Variants in ROBO2 observed in about 807,000 individuals in gnomAD.
The protein encoded by ROBO2 is roundabout guidance receptor 2, also known as roundabout homolog 2.
Under a neutral mutation model 160.8 loss-of-function variants are expected in ROBO2, and 53 were observed. That is an observed-to-expected ratio of 0.33 (90% CI 0.26 to 0.41). ROBO2 has a LOEUF of 0.41. Among genes scored for constraint, ROBO2 ranks in the 10% least tolerant of loss-of-function variants. The probability of loss-of-function intolerance (pLI) is 1.00; values close to 1 mark genes in which losing one functional copy is unlikely to be tolerated. For synonymous variants in ROBO2, 664 were observed against 611.7 expected, an observed-to-expected ratio of 1.09 and a Z score of -1.26; for missense variants, 1,577 against 1,722.4, an observed-to-expected ratio of 0.92 and a Z score of 1.49.
intron 2 of ROBO2, among the ~76,000 whole-genome samples, chr3:76,074,502 A>AAG (rs2068578749): frequency 6.6e-6 from 1 of 152,208 alleles, no homozygotes; most frequent in African/African-American, 2.4e-5. Flanking sequence ...CCCTTCTTAG[A>AAG]GGAGTAAGAA....
chr3:76,301,369 GT>G (rs1387063091), intron 2 of ROBO2, among the ~76,000 whole-genome samples: 1 of 152,048 alleles, frequency 6.6e-6, no homozygotes, highest in East Asian at 1.9e-4. Context: ...ATCTAAAGCA[GT>G]TGAGATGAAG....
At chr3:76,187,930 A>T (rs956070172) in intron 2 of ROBO2, among the ~76,000 whole-genome samples, 1 of 152,132 alleles carries the variant, frequency 6.6e-6, no homozygotes, top group African/African-American at 2.4e-5. Context: ...GCTCTTAGTA[A>T]GATTTAAAAG....
At chr3:76,636,669 T>A (rs73841250) in intron 2 of ROBO2, among the ~76,000 whole-genome samples, 9,377 of 152,084 alleles carry the variant, frequency 0.062, 921 homozygotes, top group African/African-American at 0.21. Context: ...TAGATAAGTC[T>A]CTTATCAAAG....
intron 2 of ROBO2, among the ~76,000 whole-genome samples, chr3:76,690,676 C>A (rs940996040): frequency 6.6e-6 from 1 of 152,052 alleles, no homozygotes; most frequent in Non-Finnish European, 1.5e-5. Context: ...ATATTCCCCT[C>A]TAGATGAAAA....
intron 2 of ROBO2, among the ~76,000 whole-genome samples, chr3:76,679,245 ATTAAC>A (rs1209598263): frequency 2.0e-5 from 3 of 152,170 alleles, no homozygotes; most frequent in Non-Finnish European, 4.4e-5. Flanking sequence ...GTTTTGGTCA[ATTAAC>A]TTAAGAAATA....
chr3:76,398,577 C>G (rs2077617956), intron 2 of ROBO2, among the ~76,000 whole-genome samples: 1 of 151,610 alleles, frequency 6.6e-6, no homozygotes, highest in African/African-American at 2.4e-5. Flanking sequence ...CAATACGTAC[C>G]CTCTTCCATT....
chr3:76,504,546 T>G (rs2080680275), intron 2 of ROBO2, among the ~76,000 whole-genome samples: 1 of 113,918 alleles, frequency 8.8e-6, no homozygotes, highest in Non-Finnish European at 1.8e-5. Context: ...TTTTTTTTTT[T>G]TGAGACGGAG....
chr3:76,034,333 TCTC>T (rs1267394527), intron 2 of ROBO2, among the ~76,000 whole-genome samples: 4 of 152,196 alleles, frequency 2.6e-5, no homozygotes, highest in South Asian at 2.1e-4. Context: ...ATAATCTCCT[TCTC>T]CTCAAGTAGC....
intron 2 of ROBO2, among the ~76,000 whole-genome samples, chr3:77,172,975 T>C (rs1486672049): frequency 6.6e-6 from 1 of 152,130 alleles, no homozygotes; most frequent in Non-Finnish European, 1.5e-5. Flanking sequence ...GCAAGGCAAA[T>C]AATAAATTAG....
intron 2 of ROBO2, among the ~76,000 whole-genome samples, chr3:76,420,319 A>G (rs920227222): frequency 6.6e-6 from 1 of 152,112 alleles, no homozygotes; most frequent in African/African-American, 2.4e-5. Context: ...CTGACCCATT[A>G]CACTGTTAAG....
chr3:76,737,203 G>A (rs1447745193), intron 2 of ROBO2, among the ~76,000 whole-genome samples: 1 of 151,942 alleles, frequency 6.6e-6, no homozygotes, highest in East Asian at 1.9e-4. Context: ...TTTGTATGAA[G>A]TTTTATAAAG....
At chr3:76,176,508 A>T (rs2073237042) in intron 2 of ROBO2, among the ~76,000 whole-genome samples, 1 of 152,112 alleles carries the variant, frequency 6.6e-6, no homozygotes, top group African/African-American at 2.4e-5. Context: ...ACAGAATGGT[A>T]CACTTTTATA....
chr3:76,177,104 T>C (rs1422081437), intron 2 of ROBO2, among the ~76,000 whole-genome samples: 1 of 152,188 alleles, frequency 6.6e-6, no homozygotes, highest in Non-Finnish European at 1.5e-5. Context: ...TTAATACTAG[T>C]GTGTACTTCT....
In ROBO2 at chr3:76,869,419, G is replaced by A. The variant is rs573644171; in HGVS notation, c.110-228595G>A. Among the ~76,000 whole-genome samples the A allele has an allele frequency of 5.3e-5, 7 of 133,306 alleles. No individual in the cohort carries two copies. The East Asian group carries it at 1.6e-3, about 30-fold the overall frequency. 87.5% of individuals were successfully genotyped at this position (133,306 alleles called of 152,430 possible). The stretch of plus-strand genomic sequence containing the variant: ...GGCTGGAGTGCAGTGGCGCGATCTC[G>A]GCTCACTGCAAGCTCCGCCTCCCGG... On this transcript the variant is annotated intron_variant, in intron 2 of 26. Coordinates refer to the ROBO2 transcript ENST00000487694.
intron 2 of ROBO2, among the ~76,000 whole-genome samples, chr3:77,433,828 G>A (rs182141114): frequency 2.6e-4 from 39 of 152,022 alleles, no homozygotes; most frequent in African/African-American, 9.4e-4. Flanking sequence ...TCTAAACCCA[G>A]TAATTCTTGT....
intron 24 of ROBO2, among the ~76,000 whole-genome samples, chr3:77,635,702 C>G (rs533112769): frequency 6.6e-6 from 1 of 152,156 alleles, no homozygotes; most frequent in Non-Finnish European, 1.5e-5. Flanking sequence ...TACAGAAACA[C>G]GCTGCACAGA....
chr3:76,865,056 G>A (rs1193854688), intron 2 of ROBO2, among the ~76,000 whole-genome samples: 2 of 151,958 alleles, frequency 1.3e-5, no homozygotes, highest in Admixed American at 6.6e-5. Context: ...CATTAAAAAT[G>A]TCAAGCATCA....
chr3:76,699,816 G>C (rs1459124856), intron 2 of ROBO2, among the ~76,000 whole-genome samples: 1 of 151,998 alleles, frequency 6.6e-6, no homozygotes, highest in Non-Finnish European at 1.5e-5. Context: ...TCCTCCCCCT[G>C]TTTCCTCTTT....
chr3:75,986,858 A>C (rs956654030), intron 2 of ROBO2, among the ~76,000 whole-genome samples: 1 of 151,354 alleles, frequency 6.6e-6, no homozygotes, highest in Admixed American at 6.6e-5. Context: ...TCTTGGACCC[A>C]TGGTCAAAAA....
Sources: gnomAD v4.1 joint callset for allele counts (sites outside exome capture counted in the v4.1 genomes callset) on GRCh38, gnomAD v4.1.1 for gene constraint, MANE v1.5 for transcripts, NCBI Gene and HGNC (gene_info 2026-07-23, HGNC 2026-07-21) for gene names.